The following SCUBE2 variants were observed in gnomAD, a reference collection of about 807,000 sequenced individuals.
SCUBE2 encodes the protein signal peptide, CUB and EGF-like domain-containing protein 2.
A neutral mutation model predicts 125.9 loss-of-function variants in SCUBE2; 114 were observed. The observed-to-expected ratio is 0.91, with a 90% CI of 0.78 to 1.06. The LOEUF (loss-of-function observed/expected upper bound fraction) is 1.06. Among genes scored for constraint, SCUBE2 ranks in the 50% least tolerant of loss-of-function variants. SCUBE2 has a pLI of 0.00. For missense variants in SCUBE2, 1,255 were observed against 1,301.8 expected (o/e 0.96, Z 0.55); for synonymous variants, 459 against 492.9 (o/e 0.93, Z 0.91).
At chr11:9,052,178 G>A (rs1858485413) in intron 13 of SCUBE2, among the ~76,000 whole-genome samples, 1 of 152,206 alleles carries the variant, frequency 6.6e-6, no homozygotes, top group Non-Finnish European at 1.5e-5. Flanking sequence ...AAGCTGTACT[G>A]TCTTGCTTTG....
rs186835718 is a variant in SCUBE2 at position 9,062,179 on chromosome 11, C to T, written c.851-1655G>A. Among the ~76,000 whole-genome samples, 511 of 152,336 alleles carry T rather than the reference C, an allele frequency of 3.4e-3. 2 individuals carry two copies. The highest frequency in any genetic ancestry group is 0.012 in the African/African-American group (483 of 41,580). ...CTAACCCTCATCCCTCTTCCCCCAA[C>T]TCCTTCAGCTCCCTACTGGCAGATT... On this transcript the variant is annotated intron_variant, in intron 7 of 22. Coordinates refer to ENST00000649792, the MANE Select transcript of SCUBE2 (RefSeq NM_001367977.2).
chr11:9,069,341 A>G (rs948531317), intron 5 of SCUBE2, 29 bp downstream of exon 5: 7 of 1,612,794 alleles, frequency 4.3e-6, no homozygotes, highest in South Asian at 3.3e-5. Flanking sequence ...GACGGTTCCC[A>G]TGGCAGGTGT....
intron 11 of SCUBE2, 139 bp from the exon 12 acceptor site, chr11:9,053,354 TTA>T: frequency 1.3e-6 from 1 of 774,574 alleles, no homozygotes; most frequent in South Asian, 1.8e-5. Flanking sequence ...ATGCTAGGCC[TTA>T]TTCCCACCAA....
chr11:9,054,463 G>T (rs1206529247), intron 10 of SCUBE2, among the ~76,000 whole-genome samples: 2 of 151,878 alleles, frequency 1.3e-5, no homozygotes. Flanking sequence ...GGGACTCCCT[G>T]CTTAACCATT....
intron 2 of SCUBE2, among the ~76,000 whole-genome samples, chr11:9,084,245 AAAAT>A (rs1861882720): frequency 6.6e-6 from 1 of 152,260 alleles, no homozygotes; most frequent in Non-Finnish European, 1.5e-5. Context: ...ATTTGAGCCA[AAAAT>A]AAATATAGAT....
chr11:9,022,379 C>G (rs1421344890), intron 21 of SCUBE2, among the ~76,000 whole-genome samples: 1 of 152,146 alleles, frequency 6.6e-6, no homozygotes, highest in African/African-American at 2.4e-5. Context: ...CTCCCTTGAC[C>G]TCATTTCTCC....
At chr11:9,046,702 T>G (rs1221921912) in intron 16 of SCUBE2, among the ~76,000 whole-genome samples, 1 of 152,260 alleles carries the variant, frequency 6.6e-6, no homozygotes, top group Non-Finnish European at 1.5e-5. Flanking sequence ...GGGCTGTTTT[T>G]ACTTTTTTCC....
chr11:9,067,663 A>G (rs1232116753), intron 5 of SCUBE2, among the ~76,000 whole-genome samples: 1 of 152,186 alleles, frequency 6.6e-6, no homozygotes, highest in Non-Finnish European at 1.5e-5. Context: ...TCTAGGTCTT[A>G]GTTTTTTTCT....
intron 1 of SCUBE2, 96 bp from the exon 2 acceptor site, chr11:9,089,925 G>A (rs959665496): frequency 6.2e-6 from 9 of 1,452,322 alleles, no homozygotes; most frequent in Admixed American, 6.1e-5. Flanking sequence ...AGCCCACCCC[G>A]CTTCACTCCT....
In SCUBE2 at chr11:9,055,750, C is replaced by G. The variant is rs1859017738; in HGVS notation, c.1207+43G>C. 5.2e-6 allele frequency: 8 copies of G among 1,528,090 alleles called. No homozygotes were observed. The African/African-American group carries it at 6.8e-5, about 13-fold the overall frequency. The allele number at this position is 1,528,090 out of a possible 1,614,324, so 94.7% of individuals were successfully genotyped here. On this transcript the variant is annotated intron_variant, in intron 10 of 22. Transcript: ENST00000649792. ...GGTAGGCCCTGCTCCCCTCCAGGCC[C>G]AGCCTCATTCCCCTCCCAACTTGAC...
At chr11:9,031,135 G>T (rs900700355) in intron 17 of SCUBE2, 4 of 489,512 alleles carry the variant, frequency 8.2e-6, no homozygotes, top group African/African-American at 5.9e-5. Flanking sequence ...GGGCTACACA[G>T]CACAGTGCAA....
intron 10 of SCUBE2, among the ~76,000 whole-genome samples, chr11:9,054,162 A>G (rs1338919777): frequency 6.6e-6 from 1 of 151,890 alleles, no homozygotes; most frequent in Non-Finnish European, 1.5e-5. Flanking sequence ...ACGCCTGGCT[A>G]ATTTTTGCAT....
intron 7 of SCUBE2, among the ~76,000 whole-genome samples, chr11:9,062,191 C>CTT (rs1859749128): frequency 2.0e-5 from 3 of 152,128 alleles, no homozygotes; most frequent in Admixed American, 6.6e-5. Context: ...CCTTCAGCTC[C>CTT]CTACTGGCAG....
intron 18 of SCUBE2, 78 bp from the exon 19 acceptor site, chr11:9,030,123 G>A: frequency 1.3e-6 from 2 of 1,488,536 alleles, no homozygotes; most frequent in Non-Finnish European, 1.8e-6. Context: ...AGATTTTAAA[G>A]TTTGTGAAAG....
chr11:9,032,047 T>A (rs1300851721), intron 17 of SCUBE2, among the ~76,000 whole-genome samples: 1 of 152,186 alleles, frequency 6.6e-6, no homozygotes, highest in African/African-American at 2.4e-5. Context: ...ATAATATACT[T>A]AGCATAATGC....
At chr11:9,033,271 C>G (rs996862153) in intron 17 of SCUBE2, among the ~76,000 whole-genome samples, 1 of 152,074 alleles carries the variant, frequency 6.6e-6, no homozygotes, top group African/African-American at 2.4e-5. Context: ...TGGAGAAAAA[C>G]CCAGACCTCC....
intron 19 of SCUBE2, among the ~76,000 whole-genome samples, chr11:9,029,402 C>T (rs1456038422): frequency 2.0e-5 from 3 of 152,198 alleles, no homozygotes; most frequent in Non-Finnish European, 2.9e-5. Context: ...CCTACTCTTT[C>T]CCCACCCTCT....
In SCUBE2 at chr11:9,091,425, C is replaced by G; in HGVS notation, c.104G>C (p.Gly35Ala). ...CTGCGGCCCCGCGGCACGGCCCCGA[C>G]CCGGCGGGACGGCCCCCGCCAGCAG... is the stretch of plus-strand genomic sequence containing the variant. Reference protein sequence around the residue: ...LLLLAGAVPPGRGRAAGPQED... With the variant: ...LLLLAGAVPPARGRAAGPQED... The change falls in exon 1 of 23, where the codon GGT becomes GCT. Residue 35 changes from glycine to alanine, a missense_variant. By Grantham distance (60) the Gly-to-Ala change is moderately conservative. Coordinates refer to ENST00000649792, the MANE Select transcript of SCUBE2 (RefSeq NM_001367977.2). This position sits in a 1 kb window ranked among gnomAD's most constrained non-coding sequence, Gnocchi z 8.5. 1 of 1,333,212 alleles carries G rather than the reference C, an allele frequency of 7.5e-7. No homozygotes were observed. The allele number at this position is 1,333,212 out of a possible 1,614,324, so 82.6% of individuals were successfully genotyped here.
Position 9,019,513 on chromosome 11 carries a change from A to ATTT in SCUBE2, c.*1529_*1531dup, listed in dbSNP as rs139208814. Among the ~76,000 whole-genome samples the ATTT allele has an allele frequency of 5.2e-3, 773 of 149,798 alleles. 12 individuals are homozygous for ATTT. Among genetic ancestry groups the ATTT allele is most frequent in the African/African-American group, 0.018 (721 of 40,642 alleles). ...AAGTCCAAGTGCTTGTTTTAATGCTATTTTTTTTTTAATGATGATGTTCAA... is the reference window on the plus strand; with the variant it reads ...AAGTCCAAGTGCTTGTTTTAATGCTATTTTTTTTTTTTTAATGATGATGTTCAA... On this transcript the variant is annotated 3_prime_UTR_variant, in exon 23 of 23. Transcript: ENST00000649792.
Sources: gnomAD v4.1 joint callset for allele counts (sites outside exome capture counted in the v4.1 genomes callset) on GRCh38, gnomAD v4.1.1 for gene constraint, Gnocchi (gnomAD v3.1) non-coding constraint, MANE v1.5 for transcripts, NCBI Gene and HGNC (gene_info 2026-07-23, HGNC 2026-07-21) for gene names.